Variants in PABPC4L observed in about 807,000 individuals in gnomAD.
PABPC4L encodes polyadenylate-binding protein 4-like.
For missense variants in PABPC4L, 452 were observed against 451.4 expected (o/e 1.00, Z -0.01); for synonymous variants, 169 against 164.1 (o/e 1.03, Z -0.23).
the PABPC4L span, among the ~76,000 whole-genome samples, chr4:134,004,095 G>A: frequency 6.6e-6 from 1 of 151,552 alleles, no homozygotes; most frequent in Non-Finnish European, 1.5e-5. Flanking sequence ...TGATTTTTTG[G>A]ATAATACCTC....
the PABPC4L span, among the ~76,000 whole-genome samples, chr4:134,024,708 T>C: frequency 6.6e-6 from 1 of 150,634 alleles, no homozygotes; most frequent in Non-Finnish European, 1.5e-5. Context: ...ACGATTTACA[T>C]CCTTTAGTTC....
the PABPC4L span, among the ~76,000 whole-genome samples, chr4:134,000,845 T>A: frequency 1.3e-5 from 2 of 152,108 alleles, no homozygotes; most frequent in Non-Finnish European, 2.9e-5. Flanking sequence ...GACTGGAACA[T>A]ACACCATCAG....
the PABPC4L span, among the ~76,000 whole-genome samples, chr4:134,106,008 C>G: frequency 6.6e-6 from 1 of 151,582 alleles, no homozygotes; most frequent in South Asian, 2.1e-4. Context: ...TTCAATTACT[C>G]TTTAAAGTCA....
At chr4:134,056,711 A>C in the PABPC4L span, among the ~76,000 whole-genome samples, 1 of 151,992 alleles carries the variant, frequency 6.6e-6, no homozygotes, top group Non-Finnish European at 1.5e-5. Flanking sequence ...TAGAAATACA[A>C]TTGATTTTTT....
chr4:134,010,280 C>T, the PABPC4L span, among the ~76,000 whole-genome samples: 1 of 151,958 alleles, frequency 6.6e-6, no homozygotes, highest in Non-Finnish European at 1.5e-5. Flanking sequence ...TTAGGTACTG[C>T]TTTAAGCATG....
chr4:134,105,415 T>C, the PABPC4L span, among the ~76,000 whole-genome samples: 3 of 151,690 alleles, frequency 2.0e-5, no homozygotes, highest in Admixed American at 6.6e-5. Flanking sequence ...AATAGGTGTA[T>C]TAATATTAAA....
At chr4:134,041,906 C>T in the PABPC4L span, among the ~76,000 whole-genome samples, 1 of 151,998 alleles carries the variant, frequency 6.6e-6, no homozygotes, top group Non-Finnish European at 1.5e-5. Context: ...CCATTTGATC[C>T]AGCAATCCCA....
chr4:134,173,159 C>CAAAAAAA, the PABPC4L span, among the ~76,000 whole-genome samples: 68 of 77,696 alleles, frequency 8.8e-4, no homozygotes, highest in South Asian at 1.5e-3. Flanking sequence ...GGAGATTCCT[C>CAAAAAAA]AAAAAAAAAA....
chr4:133,972,560 GTGATGA>G, the PABPC4L span, among the ~76,000 whole-genome samples: 1 of 152,066 alleles, frequency 6.6e-6, no homozygotes, highest in Non-Finnish European at 1.5e-5. Context: ...ATGTTTCGTG[GTGATGA>G]TGCAGACATA....
At chr4:133,993,542 G>A in the PABPC4L span, among the ~76,000 whole-genome samples, 1 of 152,196 alleles carries the variant, frequency 6.6e-6, no homozygotes, top group Non-Finnish European at 1.5e-5. Context: ...TCCAAATTCA[G>A]GGACATGAGT....
the PABPC4L span, among the ~76,000 whole-genome samples, chr4:134,062,777 T>C: frequency 1.3e-5 from 2 of 152,094 alleles, no homozygotes; most frequent in Non-Finnish European, 2.9e-5. Context: ...TATCTTTACA[T>C]GTGAAAACTA....
At chr4:133,980,912 C>T in the PABPC4L span, among the ~76,000 whole-genome samples, 44 of 152,268 alleles carry the variant, frequency 2.9e-4, no homozygotes, top group Admixed American at 1.1e-3. Flanking sequence ...AATCCCAAAA[C>T]TTTGGGAGGC....
chr4:134,164,199 C>A, the PABPC4L span, among the ~76,000 whole-genome samples: 1 of 124,326 alleles, frequency 8.0e-6, no homozygotes, highest in Non-Finnish European at 1.6e-5. Context: ...GGAGGCGGAG[C>A]TTGCAGTGAG....
At chr4:134,177,177 T>C in the PABPC4L span, among the ~76,000 whole-genome samples, 52 of 105,312 alleles carry the variant, frequency 4.9e-4, no homozygotes, top group Non-Finnish European at 7.5e-4. Context: ...CCCTTTTTTC[T>C]TTTCTTTTCT....
the PABPC4L span, among the ~76,000 whole-genome samples, chr4:134,132,179 C>T: frequency 1.3e-5 from 2 of 151,820 alleles, no homozygotes; most frequent in African/African-American, 4.8e-5. Flanking sequence ...ACCAAGAACC[C>T]AAAAGCAAAT....
the PABPC4L span, among the ~76,000 whole-genome samples, chr4:134,123,382 A>G: frequency 1.3e-5 from 2 of 152,060 alleles, no homozygotes; most frequent in African/African-American, 4.8e-5. Flanking sequence ...GTAGATTACC[A>G]AGTAGATTAT....
the PABPC4L span, among the ~76,000 whole-genome samples, chr4:134,037,050 C>T: frequency 4.5e-5 from 4 of 88,124 alleles, no homozygotes; most frequent in African/African-American, 3.0e-4. Flanking sequence ...GAGCAAAACT[C>T]CATCTCAAAA....
At chr4:134,126,758 G>A in the PABPC4L span, among the ~76,000 whole-genome samples, 37 of 152,162 alleles carry the variant, frequency 2.4e-4, no homozygotes, top group Non-Finnish European at 4.7e-4. Flanking sequence ...AGAAACATAC[G>A]AGGAAAGCCC....
At chr4:134,152,544 C>G in the PABPC4L span, among the ~76,000 whole-genome samples, 1 of 152,034 alleles carries the variant, frequency 6.6e-6, no homozygotes, top group Non-Finnish European at 1.5e-5. Context: ...TGAATGTTAC[C>G]AAGCCTCCAG....
Sources: gnomAD v4.1 joint callset for allele counts (sites outside exome capture counted in the v4.1 genomes callset) on GRCh38, gnomAD v4.1.1 for gene constraint, MANE v1.5 for transcripts, NCBI Gene and HGNC (gene_info 2026-07-23, HGNC 2026-07-21) for gene names.